The following WIPF3 variants were observed in gnomAD, a reference collection of about 807,000 sequenced individuals.
WIPF3 encodes WAS/WASL interacting protein family member 3, also known as WAS/WASL-interacting protein family member 3.
A neutral mutation model predicts 38.9 loss-of-function variants in WIPF3; 33 were observed. That is an observed-to-expected ratio of 0.85 (90% CI 0.64 to 1.14). WIPF3 has a LOEUF of 1.14. Among genes scored for constraint, WIPF3 ranks in the 50% most tolerant of loss-of-function variants. The probability of loss-of-function intolerance (pLI) is 0.00; values close to 1 mark genes in which losing one functional copy is unlikely to be tolerated. For missense variants in WIPF3, 711 were observed against 652.5 expected (o/e 1.09, Z -0.98); for synonymous variants, 324 against 269.3 (o/e 1.20, Z -1.99).
intron 1 of WIPF3, among the ~76,000 whole-genome samples, chr7:29,813,744 G>A (rs935250642): frequency 6.6e-6 from 1 of 152,034 alleles, no homozygotes; most frequent in Admixed American, 6.5e-5. Context: ...AATTTTCACA[G>A]TTGTGCAACC....
chr7:29,865,616 G>A (rs1043604012), intron 2 of WIPF3, among the ~76,000 whole-genome samples: 3 of 152,186 alleles, frequency 2.0e-5, no homozygotes, highest in Admixed American at 1.3e-4. Context: ...GAGTGAGGCC[G>A]AGGGATGACA....
intron 2 of WIPF3, among the ~76,000 whole-genome samples, chr7:29,851,980 CT>C (rs1785106114): frequency 6.6e-6 from 1 of 151,928 alleles, no homozygotes; most frequent in Non-Finnish European, 1.5e-5. Flanking sequence ...TTTAATTTTA[CT>C]TATTTTTATT....
intron 7 of WIPF3, among the ~76,000 whole-genome samples, chr7:29,889,767 C>T (rs1218529182): frequency 6.6e-6 from 1 of 152,154 alleles, no homozygotes; most frequent in Non-Finnish European, 1.5e-5. Context: ...AACCTGAAAA[C>T]CCCTAATTCA....
At chr7:29,814,671 G>A (rs984524592) in intron 1 of WIPF3, among the ~76,000 whole-genome samples, 6 of 152,170 alleles carry the variant, frequency 3.9e-5, no homozygotes, top group African/African-American at 7.2e-5. Flanking sequence ...TGTGAAATGG[G>A]GATGATAACA....
At chr7:29,905,218 C>T (rs924872031) in intron 8 of WIPF3, 1 of 152,208 alleles carries the variant, frequency 6.6e-6, no homozygotes, top group African/African-American at 2.4e-5. Context: ...TTTCTAACCA[C>T]AGCTGATGCA....
chr7:29,853,673 C>T (rs1352267449), intron 2 of WIPF3, among the ~76,000 whole-genome samples: 1 of 152,232 alleles, frequency 6.6e-6, no homozygotes, highest in East Asian at 1.9e-4. Flanking sequence ...CCTGTGTTGC[C>T]ATCCCAGAAG....
intron 1 of WIPF3, among the ~76,000 whole-genome samples, chr7:29,820,720 T>A (rs1001821049): frequency 1.3e-5 from 2 of 152,108 alleles, no homozygotes; most frequent in African/African-American, 4.8e-5. Flanking sequence ...GTATAATCAC[T>A]TTTTCTTAGT....
At chr7:29,860,137 C>A (rs1264668015) in intron 2 of WIPF3, among the ~76,000 whole-genome samples, 1 of 152,138 alleles carries the variant, frequency 6.6e-6, no homozygotes, top group African/African-American at 2.4e-5. Context: ...ATCTAGAGAA[C>A]TAAATTGGAG....
intron 1 of WIPF3, among the ~76,000 whole-genome samples, chr7:29,813,668 A>G (rs1163076511): frequency 6.6e-6 from 1 of 152,154 alleles, no homozygotes; most frequent in African/African-American, 2.4e-5. Flanking sequence ...AATCAGTTTT[A>G]TTGAGCTATA....
At chr7:29,868,095 A>G (rs1185165612) in intron 2 of WIPF3, among the ~76,000 whole-genome samples, 5 of 152,256 alleles carry the variant, frequency 3.3e-5, no homozygotes, top group Non-Finnish European at 7.3e-5. Flanking sequence ...GCGGAAAAGC[A>G]GATCACACAA....
intron 7 of WIPF3, among the ~76,000 whole-genome samples, chr7:29,901,855 AAAG>A (rs1213229638): frequency 4.7e-5 from 7 of 147,832 alleles, no homozygotes; most frequent in Non-Finnish European, 9.0e-5. Context: ...AAAAAGAAAG[AAAG>A]AAAGAAAAGA....
rs189979932 is a variant in WIPF3 at position 29,840,381 on chromosome 7, C to T, written c.90+5567C>T. ...GTCATCCCAGCTCAGGTGTCCCTTC[C>T]TCCTACATTACTGGCTTTTATATCT... On this transcript the variant is annotated intron_variant, in intron 2 of 8. Coordinates refer to ENST00000242140, the MANE Select transcript of WIPF3 (RefSeq NM_001080529.3). Among the ~76,000 whole-genome samples, 4 of 152,328 alleles carry T rather than the reference C, an allele frequency of 2.6e-5. 1 individual carries two copies. Among genetic ancestry groups the T allele is most frequent in the African/African-American group, 9.6e-5 (4 of 41,578 alleles).
At chr7:29,808,667 C>G (rs1784324639) in intron 1 of WIPF3, among the ~76,000 whole-genome samples, 2 of 147,466 alleles carry the variant, frequency 1.4e-5, no homozygotes, top group African/African-American at 5.1e-5. Flanking sequence ...TTGCAGTTAC[C>G]CAGCAGCAGA....
intron 2 of WIPF3, among the ~76,000 whole-genome samples, chr7:29,870,068 A>G (rs1785468323): frequency 6.6e-6 from 1 of 152,190 alleles, no homozygotes; most frequent in African/African-American, 2.4e-5. Context: ...GAACACAGAT[A>G]GGGATCTTCA....
intron 2 of WIPF3, among the ~76,000 whole-genome samples, chr7:29,840,101 G>A (rs367753698): frequency 3.3e-5 from 5 of 152,196 alleles, no homozygotes; most frequent in African/African-American, 1.2e-4. Flanking sequence ...CACCTGTCCC[G>A]CAGTCAGCTG....
chr7:29,854,743 C>T (rs1785161166), intron 2 of WIPF3, among the ~76,000 whole-genome samples: 1 of 152,230 alleles, frequency 6.6e-6, no homozygotes, highest in Non-Finnish European at 1.5e-5. Context: ...AATTATGTTT[C>T]TCTGGCCAAA....
intron 7 of WIPF3, among the ~76,000 whole-genome samples, chr7:29,893,926 C>T (rs765703811): frequency 2.0e-5 from 3 of 152,186 alleles, no homozygotes; most frequent in Admixed American, 6.6e-5. Flanking sequence ...CCAGAGAATA[C>T]ATATTTGAAG....
At chr7:29,820,432 TTA>T (rs1214022886) in intron 1 of WIPF3, among the ~76,000 whole-genome samples, 2 of 152,170 alleles carry the variant, frequency 1.3e-5, no homozygotes, top group Non-Finnish European at 2.9e-5. Flanking sequence ...ATTATTTTTG[TTA>T]TGTGTTCTGT....
chr7:29,869,410 G>T (rs879846232), intron 2 of WIPF3, among the ~76,000 whole-genome samples: 1 of 152,148 alleles, frequency 6.6e-6, no homozygotes, highest in Non-Finnish European at 1.5e-5. Flanking sequence ...ACTATTCAAG[G>T]GGTTCGCTTT....
Sources: allele counts gnomAD v4.1 joint callset (sites outside exome capture counted in the v4.1 genomes callset), GRCh38; gene constraint gnomAD v4.1.1; transcripts MANE v1.5; gene names NCBI Gene and HGNC (gene_info 2026-07-23, HGNC 2026-07-21).